PTPRD: variants seen among roughly 807,000 people sequenced by gnomAD.
The protein encoded by PTPRD is protein tyrosine phosphatase receptor type D, also known as receptor-type tyrosine-protein phosphatase delta.
In PTPRD, 34 loss-of-function variants were observed where a neutral mutation model predicts 214.5. That is an observed-to-expected ratio of 0.16 (90% CI 0.12 to 0.21). PTPRD has a LOEUF of 0.21. Among genes scored for constraint, PTPRD ranks in the 10% least tolerant of loss-of-function variants. PTPRD has a pLI of 1.00. For missense variants in PTPRD, 2,545 were observed against 2,398.7 expected, an observed-to-expected ratio of 1.06 and a Z score of -1.27; for synonymous variants, 1,128 against 845.7, an observed-to-expected ratio of 1.33 and a Z score of -5.79.
intron 44 of PTPRD, among the ~76,000 whole-genome samples, chr9:8,328,448 C>G (rs993164006): frequency 3.9e-5 from 6 of 152,150 alleles, no homozygotes. Flanking sequence ...CTGCCCTTAA[C>G]ATTTTTTCCT....
chr9:9,841,600 T>C (rs76260107), intron 5 of PTPRD, among the ~76,000 whole-genome samples: 3,647 of 152,280 alleles, frequency 0.024, 126 homozygotes, highest in African/African-American at 0.082. Context: ...AGAAAGCATT[T>C]GTTTCATTTC....
At chr9:10,167,455 G>C (rs891720143) in intron 3 of PTPRD, among the ~76,000 whole-genome samples, 14 of 152,048 alleles carry the variant, frequency 9.2e-5, no homozygotes, top group African/African-American at 3.4e-4. Context: ...ACCCATATAT[G>C]TATTACAAAG....
intron 3 of PTPRD, among the ~76,000 whole-genome samples, chr9:10,286,372 G>C (rs560174362): frequency 6.6e-6 from 1 of 152,196 alleles, no homozygotes; most frequent in African/African-American, 2.4e-5. Flanking sequence ...AGCCCAGAAG[G>C]CAGAGATTGC....
chr9:10,048,322 T>C (rs1208997763), intron 3 of PTPRD, among the ~76,000 whole-genome samples: 1 of 152,126 alleles, frequency 6.6e-6, no homozygotes, highest in East Asian at 1.9e-4. Flanking sequence ...CAAGACTCAC[T>C]AGCCCCCAGT....
In PTPRD at chr9:10,258,099, G is replaced by A. The variant is rs117799377; in HGVS notation, c.-545+82864C>T. Among the ~76,000 whole-genome samples the A allele has an allele frequency of 7.8e-3, 1,195 of 152,284 alleles. 6 individuals carry two copies. Among genetic ancestry groups the A allele is most frequent in the Non-Finnish European group, 0.011 (770 of 68,014 alleles). ...TTTCCTTAATTCTAGCCATCCTTCA[G>A]CCAATTCCACTCCTGGTCTTCCAAA... On this transcript the variant is annotated intron_variant, in intron 3 of 45. Transcript: ENST00000381196.
chr9:10,138,850 G>A (rs76568448), intron 3 of PTPRD, among the ~76,000 whole-genome samples: 58 of 151,994 alleles, frequency 3.8e-4, no homozygotes, highest in African/African-American at 1.4e-4. Flanking sequence ...ATCCAACATC[G>A]CTTCATGAAG....
intron 3 of PTPRD, among the ~76,000 whole-genome samples, chr9:10,036,833 C>T (rs1055028643): frequency 6.6e-6 from 1 of 151,852 alleles, no homozygotes; most frequent in African/African-American, 2.4e-5. Context: ...CTGCCCGCCT[C>T]GGCCTCCCAA....
At chr9:9,311,123 A>G (rs1958867202) in intron 9 of PTPRD, among the ~76,000 whole-genome samples, 1 of 152,058 alleles carries the variant, frequency 6.6e-6, no homozygotes, top group Non-Finnish European at 1.5e-5. Flanking sequence ...AACGCCAGCA[A>G]TTACTAGAAT....
chr9:8,600,326 A>T (rs1377856801), intron 14 of PTPRD, among the ~76,000 whole-genome samples: 1 of 152,152 alleles, frequency 6.6e-6, no homozygotes, highest in Non-Finnish European at 1.5e-5. Flanking sequence ...CTCCAGGGGC[A>T]GTCTAGGCCA....
rs1039236894 is a variant in PTPRD, at chr9:10,059,394, G to C, written c.-544-25604C>G. Among the ~76,000 whole-genome samples the C allele has an allele frequency of 2.6e-5, 4 of 152,068 alleles. No individual in the cohort carries two copies. In the East Asian group the frequency reaches 7.7e-4, roughly 29 times the overall value. ...CTGGGAGGCCACAGTCACAATTGCA[G>C]CATCCATTGGACCATTCTATTTTAC... On this transcript the variant is annotated intron_variant, in intron 3 of 45. Transcript: ENST00000381196.
intron 11 of PTPRD, among the ~76,000 whole-genome samples, chr9:8,972,722 C>T (rs1284443805): frequency 1.3e-5 from 2 of 151,888 alleles, no homozygotes; most frequent in East Asian, 3.9e-4. Flanking sequence ...TTGAAAACTT[C>T]CTAGTGATGC....
chr9:9,849,056 C>G (rs10978034), intron 5 of PTPRD, among the ~76,000 whole-genome samples: 14,021 of 151,450 alleles, frequency 0.093, 2,263 homozygotes, highest in East Asian at 0.76. Context: ...CACTTAAATA[C>G]ATAGACACAC....
At chr9:8,633,039 T>C (rs1355911068) in intron 14 of PTPRD, among the ~76,000 whole-genome samples, 2 of 151,946 alleles carry the variant, frequency 1.3e-5, no homozygotes, top group Non-Finnish European at 2.9e-5. Flanking sequence ...TCCTGTTTCC[T>C]TTCTAGATGC....
chr9:8,358,874 G>A (rs963862853), intron 39 of PTPRD, among the ~76,000 whole-genome samples: 5 of 151,602 alleles, frequency 3.3e-5, no homozygotes, highest in African/African-American at 1.2e-4. Context: ...TTGGGAGGCC[G>A]AGGCGGGCGG....
At chr9:10,262,742 T>G (rs534196103) in intron 3 of PTPRD, among the ~76,000 whole-genome samples, 1 of 152,294 alleles carries the variant, frequency 6.6e-6, no homozygotes, top group South Asian at 2.1e-4. Context: ...GTGATAGATT[T>G]TCACAGTGAG....
chr9:9,592,226 T>C (rs1592408484), intron 7 of PTPRD, among the ~76,000 whole-genome samples: 1 of 152,214 alleles, frequency 6.6e-6, no homozygotes, highest in Non-Finnish European at 1.5e-5. Context: ...ATTTATGGCC[T>C]TTTGCCTAAA....
At chr9:9,030,388 T>C (rs1014788494) in intron 10 of PTPRD, among the ~76,000 whole-genome samples, 1 of 150,910 alleles carries the variant, frequency 6.6e-6, no homozygotes, top group Admixed American at 6.6e-5. Flanking sequence ...CTCAGACTTA[T>C]TGTTTACTGT....
chr9:8,421,337 T>C (rs2094345579), intron 35 of PTPRD, among the ~76,000 whole-genome samples: 1 of 137,410 alleles, frequency 7.3e-6, no homozygotes, highest in Non-Finnish European at 1.7e-5. Context: ...TCCTTTTCTT[T>C]TTCTTTTCTT....
intron 3 of PTPRD, among the ~76,000 whole-genome samples, chr9:10,118,867 A>AAAATAAATAAAT (rs144204787): frequency 0.025 from 3,606 of 143,674 alleles, 81 homozygotes; most frequent in Middle Eastern, 0.086. Context: ...AAATACACCA[A>AAAATAAATAAAT]AAATAAATAA....
Sources: allele counts gnomAD v4.1 joint callset (sites outside exome capture counted in the v4.1 genomes callset), GRCh38; gene constraint gnomAD v4.1.1; transcripts MANE v1.5; gene names NCBI Gene and HGNC (gene_info 2026-07-23, HGNC 2026-07-21).